Variants in NME9 observed in about 807,000 individuals in gnomAD.
NME9 encodes thioredoxin domain-containing protein 6.
NME9 carries 48 observed loss-of-function variants against 44.4 expected under a neutral mutation model. That is an observed-to-expected ratio of 1.08 (90% CI 0.86 to 1.37). The LOEUF (loss-of-function observed/expected upper bound fraction) is 1.37. Ranked by LOEUF, NME9 falls within the 40% of genes most tolerant of loss-of-function variation. The pLI, the probability that NME9 is intolerant of heterozygous loss-of-function variation, is 0.00. For missense variants in NME9, 325 were observed against 405.2 expected (o/e 0.80, Z 1.70); for synonymous variants, 139 against 147.1 (o/e 0.94, Z 0.40).
chr3:138,327,267 T>G (rs760135823), intron 1 of NME9: 14 of 152,100 alleles, frequency 9.2e-5, no homozygotes, highest in Admixed American at 3.3e-4. Flanking sequence ...CTTGATGTCT[T>G]AAATGAAATA....
chr3:138,272,149 C>G (rs1392536342), intron 8 of NME9, among the ~76,000 whole-genome samples: 2 of 152,178 alleles, frequency 1.3e-5, no homozygotes, highest in Non-Finnish European at 2.9e-5. Context: ...CACCTCCTAC[C>G]CTCTGGAGAG....
downstream of NME9, among the ~76,000 whole-genome samples, chr3:138,298,777 T>C (rs2051692487): frequency 6.6e-6 from 1 of 152,218 alleles, no homozygotes; most frequent in African/African-American, 2.4e-5. Flanking sequence ...ACAGGTGCTC[T>C]TCGTCTACTA....
intron 6 of NME9, among the ~76,000 whole-genome samples, chr3:138,308,951 A>AAG (rs2052484843): frequency 6.8e-6 from 1 of 147,072 alleles, no homozygotes; most frequent in African/African-American, 2.6e-5. Flanking sequence ...GAAAGAAAAA[A>AAG]AAAAAAAAAA....
intron 8 of NME9, chr3:138,287,839 AATT>A: frequency 3.2e-6 from 1 of 314,922 alleles, no homozygotes; most frequent in Non-Finnish European, 6.4e-6. Context: ...GATGTGCATA[AATT>A]ATTTGAACAT....
intron 2 of NME9, chr3:138,324,259 C>G (rs2053638827): frequency 6.1e-6 from 2 of 326,138 alleles, no homozygotes; most frequent in Non-Finnish European, 1.2e-5. Flanking sequence ...AAATCTGCTC[C>G]TCGTTGAGCC....
At chr3:138,282,556 G>T (rs551284973) in intron 8 of NME9, among the ~76,000 whole-genome samples, 5 of 150,314 alleles carry the variant, frequency 3.3e-5, no homozygotes, top group Admixed American at 1.3e-4. Flanking sequence ...AAGGCAGGGA[G>T]CATTGCTTGA....
chr3:138,305,706 C>T (rs1032703518), intron 8 of NME9, among the ~76,000 whole-genome samples: 3 of 152,198 alleles, frequency 2.0e-5, no homozygotes, highest in African/African-American at 7.2e-5. Flanking sequence ...AGATCCCTAG[C>T]TTCCTTTTGT....
chr3:138,300,301 T>C (rs72973093), downstream of NME9, among the ~76,000 whole-genome samples: 2,648 of 152,292 alleles, frequency 0.017, 82 homozygotes, highest in African/African-American at 0.06. Context: ...GACTGACTTA[T>C]CCGTGTGTCC....
rs746163857 is a variant in NME9 at position 138,301,683 on chromosome 3, G to A, written c.950C>T (p.Ala317Val). Residue 317 changes from alanine (A) to valine (V), a missense_variant, in exon 11 of 11, where the codon GCG (alanine) becomes GTG (valine). Transcript: ENST00000333911. The part of the protein sequence containing the change: ...APQGGEAEAT[A>V]GPTEALCFPE... ...AAAGCAAAGCGCCTCAGTGGGCCCC[G>A]CTGTTGCTTCAGCCTCACCGCCTGT... 185 of 1,535,846 alleles carry A rather than the reference G, an allele frequency of 1.2e-4. No individual in the cohort carries two copies. Among genetic ancestry groups the A allele is most frequent in the Non-Finnish European group, 1.6e-4 (179 of 1,146,804 alleles).
chr3:138,291,483 G>C (rs970447758), intron 8 of NME9, among the ~76,000 whole-genome samples: 19 of 152,208 alleles, frequency 1.2e-4, no homozygotes, highest in African/African-American at 3.6e-4. Context: ...GCCAGGCATT[G>C]TTTTAGGCAC....
chr3:138,278,880 G>T (rs190245804), intron 8 of NME9, among the ~76,000 whole-genome samples: 1 of 151,956 alleles, frequency 6.6e-6, no homozygotes, highest in South Asian at 2.1e-4. Flanking sequence ...TAAAATTTTC[G>T]TATGTCAGTC....
intron 8 of NME9, among the ~76,000 whole-genome samples, chr3:138,287,176 T>A (rs902420192): frequency 6.6e-6 from 1 of 152,236 alleles, no homozygotes; most frequent in Non-Finnish European, 1.5e-5. Flanking sequence ...CTCCACTGTT[T>A]AAATCTTTCA....
At chr3:138,286,046 C>G (rs1049975364) in intron 8 of NME9, among the ~76,000 whole-genome samples, 2 of 152,150 alleles carry the variant, frequency 1.3e-5, no homozygotes, top group Non-Finnish European at 2.9e-5. Context: ...TAGGTTCAAG[C>G]GATTCTCCTG....
chr3:138,295,985 T>TCACCTTGGACTGCAGGGAGC, intron 8 of NME9: 1 of 1,420,048 alleles, frequency 7.0e-7, no homozygotes, highest in Non-Finnish European at 9.7e-7. Context: ...TTTGCACAAG[T>TCACCTTGGACTGCAGGGAGC]CACCTTGGAC....
chr3:138,275,852 A>G (rs1295339158), intron 8 of NME9, among the ~76,000 whole-genome samples: 3 of 152,234 alleles, frequency 2.0e-5, no homozygotes, highest in African/African-American at 7.2e-5. Flanking sequence ...ATTTTTTTTA[A>G]AACTGTGTTT....
At chr3:138,271,830 T>G (rs1278072732) in intron 8 of NME9, among the ~76,000 whole-genome samples, 1 of 149,334 alleles carries the variant, frequency 6.7e-6, no homozygotes, top group East Asian at 1.9e-4. Context: ...GAGTCTCGCT[T>G]AGTTGCCCAG....
chr3:138,266,451 A>T (rs751118272), intron 8 of NME9, among the ~76,000 whole-genome samples: 3 of 152,130 alleles, frequency 2.0e-5, no homozygotes, highest in Non-Finnish European at 2.9e-5. Flanking sequence ...TGAGGAATTC[A>T]TGTACCTATT....
rs79373815 is a variant in NME9, at chr3:138,315,081, T to C, written c.384+446A>G. Among the ~76,000 whole-genome samples the C allele has an allele frequency of 7.2e-3, 1,095 of 152,340 alleles. 17 individuals carry two copies. Among genetic ancestry groups the C allele is most frequent in the African/African-American group, 0.025 (1,047 of 41,578 alleles). Reference sequence around the variant, plus strand: ...GCTTTGCTGATTCTATTTCTCATGATAATGACAGACCTTAATTTCTAGGTT... The same window carrying C: ...GCTTTGCTGATTCTATTTCTCATGACAATGACAGACCTTAATTTCTAGGTT... On this transcript the variant is annotated intron_variant, in intron 5 of 10. Transcript: ENST00000333911.
Position 138,301,394 on chromosome 3 carries a change from AG to A in NME9, c.*245del. The A allele has an allele frequency of 1.6e-6, 1 of 638,650 alleles. No individual in the cohort carries two copies. The highest frequency in any genetic ancestry group is 2.5e-5 in the South Asian group (1 of 40,396). The allele number at this position is 638,650 out of a possible 1,614,324, so 39.6% of individuals were successfully genotyped here. ...AATTTTTTGTATTTTTAGTAGAGACAGGGTTTCACCATGTTGGCTAGGCTGG... is the reference window on the plus strand; with the variant it reads ...AATTTTTTGTATTTTTAGTAGAGACAGGTTTCACCATGTTGGCTAGGCTGG... On this transcript the variant is annotated 3_prime_UTR_variant, in exon 11 of 11. Coordinates refer to ENST00000333911, the MANE Select transcript of NME9 (RefSeq NM_001349018.2).
Sources: allele counts gnomAD v4.1 joint callset (sites outside exome capture counted in the v4.1 genomes callset), GRCh38; gene constraint gnomAD v4.1.1; transcripts MANE v1.5; gene names NCBI Gene and HGNC (gene_info 2026-07-23, HGNC 2026-07-21).